DYM: variants seen among roughly 807,000 people sequenced by gnomAD.
The protein encoded by DYM is dymeclin, also known as dyggve-Melchior-Clausen syndrome protein.
In DYM, 78 loss-of-function variants were observed where a neutral mutation model predicts 93.1. The observed-to-expected ratio is 0.84, with a 90% CI of 0.70 to 1.01. DYM has a LOEUF of 1.01. Ranked by LOEUF, DYM falls within the 50% of genes least tolerant of loss-of-function variation. DYM has a pLI of 0.00. For missense variants in DYM, 789 were observed against 845.0 expected (o/e 0.93, Z 0.82); for synonymous variants, 321 against 319.7 (o/e 1.00, Z -0.04).
At chr18:49,199,172 G>A (rs973401318) in intron 14 of DYM, among the ~76,000 whole-genome samples, 4 of 152,114 alleles carry the variant, frequency 2.6e-5, no homozygotes, top group African/African-American at 9.7e-5. Context: ...GGTGGGAAAT[G>A]AACAATGAGA....
intron 1 of DYM, among the ~76,000 whole-genome samples, chr18:49,441,268 A>T (rs568726962): frequency 4.7e-4 from 16 of 33,874 alleles, no homozygotes; most frequent in African/African-American, 1.7e-3. Context: ...ATAATTATAT[A>T]ATATATATTA....
chr18:49,196,692 C>G (rs1165609010), intron 14 of DYM, among the ~76,000 whole-genome samples: 1 of 152,140 alleles, frequency 6.6e-6, no homozygotes, highest in African/African-American at 2.4e-5. Flanking sequence ...GGGTGAGCAA[C>G]TCCTGGAAGA....
At chr18:49,331,698 A>G (rs2146820964) in intron 8 of DYM, among the ~76,000 whole-genome samples, 166 bp downstream of exon 8, 1 of 152,246 alleles carries the variant, frequency 6.6e-6, no homozygotes, top group East Asian at 1.9e-4. Flanking sequence ...AAATCACCGC[A>G]CAAAACAGAA....
chr18:49,408,727 T>C (rs188968342), intron 2 of DYM, among the ~76,000 whole-genome samples: 76 of 152,336 alleles, frequency 5.0e-4, no homozygotes, highest in African/African-American at 1.8e-3. Flanking sequence ...GATGTCTAAG[T>C]AGCAAATTAT....
chr18:49,117,059 T>G lies in DYM; in HGVS notation c.1911+1685A>C, dbSNP rs16950343. Among the ~76,000 whole-genome samples the G allele has an allele frequency of 2.3e-3, 352 of 152,330 alleles. 2 individuals are homozygous for G. The highest frequency in any genetic ancestry group is 4.3e-3 in the Non-Finnish European group (293 of 68,036). The stretch of plus-strand genomic sequence containing the variant: ...GAGTCCTGGTTCATAAAGATTTCCC[T>G]TAAAATGTCAAAGTTTGATTCTTAA... On this transcript the variant is annotated intron_variant, in intron 16 of 17. Coordinates refer to ENST00000675505, the MANE Select transcript of DYM (RefSeq NM_001353214.3).
intron 15 of DYM, among the ~76,000 whole-genome samples, chr18:49,124,580 A>G (rs966641509): frequency 1.3e-5 from 2 of 152,028 alleles, no homozygotes; most frequent in African/African-American, 4.8e-5. Flanking sequence ...CATGACTCTG[A>G]CTAAAGGCTC....
chr18:49,162,306 T>C (rs2087252350), intron 15 of DYM, among the ~76,000 whole-genome samples: 1 of 152,106 alleles, frequency 6.6e-6, no homozygotes. Flanking sequence ...TTTATACAGT[T>C]ATGGAGGCTG....
intron 10 of DYM, among the ~76,000 whole-genome samples, chr18:49,277,901 G>A (rs1050406462): frequency 6.6e-6 from 1 of 152,242 alleles, no homozygotes; most frequent in African/African-American, 2.4e-5. Flanking sequence ...GATGAACAGT[G>A]TCATGCAGCA....
At chr18:49,080,718 G>T in intron 17 of DYM, among the ~76,000 whole-genome samples, 1 of 147,810 alleles carries the variant, frequency 6.8e-6, no homozygotes, top group Non-Finnish European at 1.5e-5. Flanking sequence ...GGTGGCTGCC[G>T]GGCAGAGGGG....
chr18:49,191,246 G>A (rs767266549), intron 14 of DYM, among the ~76,000 whole-genome samples: 24 of 152,064 alleles, frequency 1.6e-4, no homozygotes, highest in Non-Finnish European at 2.4e-4. Flanking sequence ...GAATGACAAG[G>A]AAGCTATGAG....
intron 1 of DYM, among the ~76,000 whole-genome samples, chr18:49,444,542 G>A (rs62102901): frequency 6.6e-6 from 1 of 152,098 alleles, no homozygotes; most frequent in East Asian, 1.9e-4. Flanking sequence ...TACTTCCTAT[G>A]CTGTCAAAAA....
At chr18:49,217,865 G>C (rs1199673556) in intron 13 of DYM, among the ~76,000 whole-genome samples, 2 of 152,106 alleles carry the variant, frequency 1.3e-5, no homozygotes, top group Non-Finnish European at 1.5e-5. Flanking sequence ...AAGATAACCA[G>C]CTAACATCAT....
chr18:49,373,438 G>C (rs2067223656), intron 5 of DYM, among the ~76,000 whole-genome samples: 1 of 152,134 alleles, frequency 6.6e-6, no homozygotes, highest in Non-Finnish European at 1.5e-5. Flanking sequence ...GATTGCCATG[G>C]CATTTGTAAA....
At chr18:49,347,582 G>A (rs1268934249) in intron 6 of DYM, among the ~76,000 whole-genome samples, 4 of 152,144 alleles carry the variant, frequency 2.6e-5, no homozygotes, top group Admixed American at 6.5e-5. Context: ...ACTTCTCTGC[G>A]TCTCAGTTTT....
chr18:49,312,423 G>A (rs1028751408), intron 8 of DYM, among the ~76,000 whole-genome samples: 2 of 152,084 alleles, frequency 1.3e-5, no homozygotes, highest in African/African-American at 4.8e-5. Context: ...CCACCTTTGA[G>A]TGGTGTCTTC....
chr18:49,378,382 A>C (rs1386201222), intron 5 of DYM, among the ~76,000 whole-genome samples, 185 bp downstream of exon 5: 1 of 152,180 alleles, frequency 6.6e-6, no homozygotes, highest in African/African-American at 2.4e-5. Context: ...AACAAAAACA[A>C]AAAACGCTTG....
intron 3 of DYM, among the ~76,000 whole-genome samples, chr18:49,387,757 C>G (rs2068780343): frequency 6.6e-6 from 1 of 151,882 alleles, no homozygotes; most frequent in South Asian, 2.1e-4. Flanking sequence ...CATGGGGAAA[C>G]CAAAAAATTC....
At chr18:49,261,395 G>C (rs1002370867) in intron 11 of DYM, among the ~76,000 whole-genome samples, 2 of 152,228 alleles carry the variant, frequency 1.3e-5, no homozygotes, top group African/African-American at 2.4e-5. Flanking sequence ...GTTTGGCTGG[G>C]CATGGAGGCT....
intron 10 of DYM, among the ~76,000 whole-genome samples, chr18:49,272,965 C>G (rs1389924964): frequency 6.6e-6 from 1 of 151,962 alleles, no homozygotes. Flanking sequence ...CATAGCATGT[C>G]TTGTTGGAAA....
Sources: allele counts gnomAD v4.1 joint callset (sites outside exome capture counted in the v4.1 genomes callset), GRCh38; gene constraint gnomAD v4.1.1; transcripts MANE v1.5; gene names NCBI Gene and HGNC (gene_info 2026-07-23, HGNC 2026-07-21).